The following CTNNA3 variants were observed in gnomAD, a reference collection of about 807,000 sequenced individuals.
The protein encoded by CTNNA3 is catenin alpha-3.
Under a neutral mutation model 95.7 loss-of-function variants are expected in CTNNA3, and 76 were observed. The ratio of observed to expected loss-of-function variants is 0.79; its 90% confidence interval spans 0.66 to 0.96. The LOEUF (loss-of-function observed/expected upper bound fraction) is 0.96, where lower values mean the gene tolerates loss of function less well. Among genes scored for constraint, CTNNA3 ranks in the 40% least tolerant of loss-of-function variants. CTNNA3 has a pLI of 0.00. For synonymous variants in CTNNA3, 431 were observed against 374.4 expected, an observed-to-expected ratio of 1.15 and a Z score of -1.74; for missense variants, 1,191 against 1,089.8, an observed-to-expected ratio of 1.09 and a Z score of -1.31.
chr10:66,065,623 C>T (rs1444557673), intron 15 of CTNNA3, among the ~76,000 whole-genome samples: 1 of 152,008 alleles, frequency 6.6e-6, no homozygotes, highest in South Asian at 2.1e-4. Context: ...TGCCCAGCAT[C>T]CTCCTTTGTA....
chr10:67,093,192 A>G (rs551850957), intron 7 of CTNNA3, among the ~76,000 whole-genome samples: 2 of 152,034 alleles, frequency 1.3e-5, no homozygotes, highest in East Asian at 3.9e-4. Context: ...CCAACAAAAG[A>G]TCTGGAGAAG....
intron 13 of CTNNA3, among the ~76,000 whole-genome samples, chr10:66,272,517 T>A (rs1237325532): frequency 6.6e-6 from 1 of 152,056 alleles, no homozygotes; most frequent in East Asian, 1.9e-4. Context: ...GACAGGGAAC[T>A]ATGATCATTA....
chr10:66,736,771 T>C (rs1429147551), intron 9 of CTNNA3, among the ~76,000 whole-genome samples: 5 of 152,152 alleles, frequency 3.3e-5, no homozygotes, highest in Non-Finnish European at 7.4e-5. Flanking sequence ...TTTACAGCAT[T>C]CTTGCAGTGT....
chr10:67,471,844 C>T (rs1012341203), intron 5 of CTNNA3, among the ~76,000 whole-genome samples: 1 of 151,978 alleles, frequency 6.6e-6, no homozygotes, highest in Non-Finnish European at 1.5e-5. Context: ...AGAAACTGTT[C>T]TAGGGTCTTT....
chr10:67,084,543 C>A (rs1162936436), intron 7 of CTNNA3, among the ~76,000 whole-genome samples: 1 of 151,752 alleles, frequency 6.6e-6, no homozygotes, highest in Non-Finnish European at 1.5e-5. Context: ...TCATTTTCAC[C>A]CTTTAGATTA....
In CTNNA3 at chr10:66,667,752, G is replaced by T. The variant is rs1589097605; in HGVS notation, c.1282-45968C>A. Among the ~76,000 whole-genome samples, 7 of 151,966 alleles carry T rather than the reference G, an allele frequency of 4.6e-5. No individual in the cohort carries two copies. In the South Asian group the frequency reaches 1.5e-3, roughly 32 times the overall value. ...TATACTTAAGAGGTTCTTTTTAGTA[G>T]TCTGTACAGACATCTCTTCCCAGCA... On this transcript the variant is annotated intron_variant, in intron 9 of 17. Coordinates refer to ENST00000433211, the MANE Select transcript of CTNNA3 (RefSeq NM_013266.4).
intron 9 of CTNNA3, among the ~76,000 whole-genome samples, chr10:66,629,864 C>T (rs535119084): frequency 6.6e-6 from 1 of 152,294 alleles, no homozygotes; most frequent in Non-Finnish European, 1.5e-5. Context: ...ACTTGCTTAA[C>T]TGCTATCCAT....
chr10:65,939,206 A>G (rs912655222), intron 17 of CTNNA3, among the ~76,000 whole-genome samples: 4 of 152,152 alleles, frequency 2.6e-5, no homozygotes, highest in African/African-American at 4.8e-5. Context: ...CGCCCTGCCT[A>G]GAAAGAGCTT....
intron 7 of CTNNA3, among the ~76,000 whole-genome samples, chr10:67,029,740 ATTCTAT>A (rs1301369017): frequency 1.3e-5 from 2 of 152,248 alleles, no homozygotes; most frequent in Non-Finnish European, 2.9e-5. Flanking sequence ...TAACTCTGTG[ATTCTAT>A]ATCAAAAACC....
At chr10:67,143,863 C>T (rs1564921147) in intron 7 of CTNNA3, among the ~76,000 whole-genome samples, 1 of 152,140 alleles carries the variant, frequency 6.6e-6, no homozygotes, top group South Asian at 2.1e-4. Context: ...ATATTTTGAC[C>T]TCCTTCCATG....
intron 5 of CTNNA3, among the ~76,000 whole-genome samples, chr10:67,419,689 T>G (rs989522379): frequency 4.6e-5 from 7 of 152,242 alleles, no homozygotes; most frequent in Non-Finnish European, 1.0e-4. Flanking sequence ...ACTAATGTAA[T>G]TTGAATCTTT....
intron 3 of CTNNA3, among the ~76,000 whole-genome samples, chr10:67,604,089 T>A (rs990438214): frequency 2.0e-5 from 3 of 152,254 alleles, no homozygotes; most frequent in African/African-American, 7.2e-5. Context: ...TGTACGAGTT[T>A]GTAGCCTAGG....
chr10:67,068,077 A>G (rs548862350), intron 7 of CTNNA3, among the ~76,000 whole-genome samples: 1 of 152,336 alleles, frequency 6.6e-6, no homozygotes, highest in South Asian at 2.1e-4. Flanking sequence ...TGCAGAATGT[A>G]TCAGCTGAGT....
chr10:66,451,179 A>G (rs1174220784), intron 11 of CTNNA3, among the ~76,000 whole-genome samples: 1 of 152,168 alleles, frequency 6.6e-6, no homozygotes, highest in Admixed American at 6.6e-5. Flanking sequence ...GATTGCAATA[A>G]TGATTAATAG....
chr10:65,920,390 T>C lies in CTNNA3; in HGVS notation c.2628A>G (p.Ala876=), dbSNP rs377740786. 19 of 1,614,060 alleles carry C rather than the reference T, an allele frequency of 1.2e-5. No individual in the cohort carries two copies. The highest frequency in any genetic ancestry group is 1.5e-5 in the Non-Finnish European group (18 of 1,180,026). The change falls in exon 18 of 18, where the codon GCA becomes GCG. Residue 876 remains alanine (A), a synonymous_variant. Coordinates refer to ENST00000433211, the MANE Select transcript of CTNNA3 (RefSeq NM_013266.4). ...CTTGCAATGGATGGATTTTTTTCTT[T>C]GCTGAGCCTCGTCTGACAGCTGCAC... ...ETCAAVRRGS[A]KKKIHPLQVM...
chr10:67,126,510 C>A (rs2132007357), intron 7 of CTNNA3, among the ~76,000 whole-genome samples: 1 of 152,354 alleles, frequency 6.6e-6, no homozygotes, highest in South Asian at 2.1e-4. Context: ...AAGATTGTGC[C>A]ATTGCACTCC....
At chr10:66,787,996 C>T (rs1201624891) in intron 7 of CTNNA3, among the ~76,000 whole-genome samples, 1 of 152,128 alleles carries the variant, frequency 6.6e-6, no homozygotes, top group Non-Finnish European at 1.5e-5. Flanking sequence ...GCTGTTACTA[C>T]CACTATTTTA....
intron 7 of CTNNA3, among the ~76,000 whole-genome samples, chr10:66,953,235 A>G (rs1848628644): frequency 6.6e-6 from 1 of 152,218 alleles, no homozygotes; most frequent in Non-Finnish European, 1.5e-5. Flanking sequence ...TCAATCCAGC[A>G]TATCACTTCT....
intron 9 of CTNNA3, among the ~76,000 whole-genome samples, chr10:66,648,120 C>A (rs563725228): frequency 6.6e-6 from 1 of 152,218 alleles, no homozygotes; most frequent in East Asian, 1.9e-4. Flanking sequence ...TTTTATGTAT[C>A]CTCCATTGGC....
Sources: gnomAD v4.1 joint callset for allele counts (sites outside exome capture counted in the v4.1 genomes callset) on GRCh38, gnomAD v4.1.1 for gene constraint, MANE v1.5 for transcripts, NCBI Gene and HGNC (gene_info 2026-07-23, HGNC 2026-07-21) for gene names.